C1orf226: variants seen among roughly 807,000 people sequenced by gnomAD.
The protein encoded by C1orf226 is chromosome 1 open reading frame 226.
In C1orf226, 4 loss-of-function variants were observed where a neutral mutation model predicts 10.5. The ratio of observed to expected loss-of-function variants is 0.38; its 90% CI spans 0.19 to 0.87. The LOEUF is 0.87. Ranked by LOEUF, C1orf226 falls within the 40% of genes least tolerant of loss-of-function variation. The pLI is 0.41. For synonymous variants in C1orf226, 125 were observed against 139.3 expected (o/e 0.90, Z 0.72); for missense variants, 313 against 336.2 (o/e 0.93, Z 0.54).
chr1:162,381,267 C>T (rs551239699), upstream of C1orf226, among the ~76,000 whole-genome samples: 14 of 152,304 alleles, frequency 9.2e-5, no homozygotes, highest in African/African-American at 2.9e-4. Context: ...TTGGGATCCT[C>T]GTGCTTCACT....
chr1:162,384,281 A>T lies in C1orf226; in HGVS notation c.*598A>T, dbSNP rs1648035348. 6.6e-6 allele frequency: 1 copy of T among 152,568 alleles called. No homozygotes were observed. The highest frequency in any genetic ancestry group is 6.5e-5 in the Admixed American group (1 of 15,288). The allele number at this position is 152,568 out of a possible 1,614,324, so 9.5% of individuals were successfully genotyped here. Reference sequence around the variant, plus strand: ...AGGACAGTGCAGGCCCCTGGTTGCCATGTTTGCTCTGCCCCTGGGGTGGAG... The same window carrying T: ...AGGACAGTGCAGGCCCCTGGTTGCCTTGTTTGCTCTGCCCCTGGGGTGGAG... On this transcript the variant is annotated 3_prime_UTR_variant, in exon 2 of 2. Coordinates refer to ENST00000458626, the MANE Select transcript of C1orf226 (RefSeq NM_001085375.2).
At chr1:162,382,365 A>G (rs1163002034) in intron 1 of C1orf226, 147 bp downstream of exon 1, 2 of 1,015,678 alleles carry the variant, frequency 2.0e-6, no homozygotes, top group African/African-American at 1.8e-5. Context: ...GGATCAGGCC[A>G]CGTTCTCGGG....
Position 162,383,201 on chromosome 1 carries a change from T to C in C1orf226, c.337T>C (p.Phe113Leu). ...TTACAGGTCAGTCCTGCAAGAAACATTTCCTCGGCTGGATCCTCCACCTCC... is the reference window on the plus strand; with the variant it reads ...TTACAGGTCAGTCCTGCAAGAAACACTTCCTCGGCTGGATCCTCCACCTCC... ...EDERSVLQET[F>L]PRLDPPPPIT... Residue 113 changes from phenylalanine to leucine, a missense_variant, in exon 2 of 2, where the codon TTT becomes CTT. Physicochemically the swap from Phe to Leu is conservative, Grantham distance 22 (BLOSUM62 0). Transcript: ENST00000458626. 6.3e-7 allele frequency: 1 copy of C among 1,594,738 alleles called. No individual in the cohort carries two copies. The highest frequency in any genetic ancestry group is 8.5e-7 in the Non-Finnish European group (1 of 1,170,316).
In C1orf226 at chr1:162,383,685, G is replaced by A. The variant is rs370587346; in HGVS notation, c.*2G>A. The A allele has an allele frequency of 3.0e-5, 47 of 1,589,462 alleles. No homozygotes were observed. The African/African-American group carries it at 3.5e-4, about 12-fold the overall frequency. On this transcript the variant is annotated 3_prime_UTR_variant, in exon 2 of 2. Transcript: ENST00000458626. ...CCAGACCTGCTGTCCTTTGAATAGAGCCTCTGCTCTTTCCTGCTGAGCTCT... is the reference window on the plus strand; with the variant it reads ...CCAGACCTGCTGTCCTTTGAATAGAACCTCTGCTCTTTCCTGCTGAGCTCT...
intron 1 of C1orf226, 129 bp from the exon 2 acceptor site, chr1:162,383,053 C>T (rs1647970339): frequency 2.3e-6 from 2 of 870,782 alleles, no homozygotes; most frequent in Non-Finnish European, 3.6e-6. Flanking sequence ...GAACCAGAGC[C>T]CAAGGAGTAG....
chr1:162,381,355 G>A (rs928582612), upstream of C1orf226, among the ~76,000 whole-genome samples: 2 of 152,114 alleles, frequency 1.3e-5, no homozygotes, highest in African/African-American at 2.4e-5. Context: ...TGGCCCACTC[G>A]CTCAAGGCCC....
chr1:162,381,664 A>T (rs12407972), upstream of C1orf226: 1 of 1,364,550 alleles, frequency 7.3e-7, no homozygotes, highest in Non-Finnish European at 9.4e-7. Context: ...GGCTAGCATT[A>T]GTCACTGATT....
rs1648095180 is a variant in C1orf226, at chr1:162,385,911, C to T, written c.*2228C>T. 2 of 152,360 alleles carry T rather than the reference C, an allele frequency of 1.3e-5. No individual in the cohort carries two copies. The highest frequency in any genetic ancestry group is 2.4e-5 in the African/African-American group (1 of 41,446). The allele number at this position is 152,360 out of a possible 1,614,324, so 9.4% of individuals were successfully genotyped here. A position where few individuals can be genotyped will look rare whatever the true frequency, so the allele number is the denominator to read the frequency against. On this transcript the variant is annotated 3_prime_UTR_variant, in exon 2 of 2. Transcript: ENST00000458626. ...GGTGCAGCCTTTCTTAAGTACCCTG[C>T]CTCCACTCTATAGCCCAGCTGCTGC...
At chr1:162,379,991 G>C (rs537415253), upstream of C1orf226, among the ~76,000 whole-genome samples, 11 of 152,326 alleles carry the variant, frequency 7.2e-5, no homozygotes, top group East Asian at 1.9e-3. Flanking sequence ...GGGGGAAATA[G>C]TTAAATGGTT....
At chr1:162,383,061 T>G in intron 1 of C1orf226, 121 bp from the exon 2 acceptor site, 1 of 910,118 alleles carries the variant, frequency 1.1e-6, no homozygotes, top group Non-Finnish European at 1.7e-6. Context: ...GCCCAAGGAG[T>G]AGAGCAGTTA....
At position 162,384,469 on chromosome 1, in the gene C1orf226, T is replaced by A. The variant is rs1648043873; in HGVS notation, c.*786T>A. On this transcript the variant is annotated 3_prime_UTR_variant, in exon 2 of 2. Transcript: ENST00000458626. ...GATCAGGCTTCTCTTGCTGAGTGTGTGAAGACAGGGAGAGCCAGGCCCCAG... is the reference window on the plus strand; with the variant it reads ...GATCAGGCTTCTCTTGCTGAGTGTGAGAAGACAGGGAGAGCCAGGCCCCAG... 1 of 152,632 alleles carries A rather than the reference T, an allele frequency of 6.6e-6. No homozygotes were observed. Among genetic ancestry groups the A allele is most frequent in the Non-Finnish European group, 1.5e-5 (1 of 68,084 alleles). The allele number at this position is 152,632 out of a possible 1,614,324, so 9.5% of individuals were successfully genotyped here. A position where few individuals can be genotyped will look rare whatever the true frequency, so the allele number is the denominator to read the frequency against.
chr1:162,383,658 A>G lies in C1orf226; in HGVS notation c.794A>G (p.His265Arg). ...TCCAGCCTCGACAATGAGGGCCCTC[A>G]CCCAGACCTGCTGTCCTTTGAATAG... ...RTSSLDNEGP[H>R]PDLLSFE The change falls in exon 2 of 2, where the codon CAC (histidine) becomes CGC (arginine). Residue 265 changes from histidine (H) to arginine (R), a missense_variant. Physicochemically the swap from His to Arg is conservative, Grantham distance 29. Coordinates refer to ENST00000458626, the MANE Select transcript of C1orf226 (RefSeq NM_001085375.2). The G allele has an allele frequency of 6.2e-7, 1 of 1,607,278 alleles. No homozygotes were observed. The highest frequency in any genetic ancestry group is 2.2e-5 in the East Asian group (1 of 44,778).
upstream of C1orf226, chr1:162,381,644 A>G: frequency 7.6e-7 from 1 of 1,318,484 alleles, no homozygotes; most frequent in Non-Finnish European, 9.7e-7. Flanking sequence ...GAACAACTTT[A>G]TTTTTTTATG....
upstream of C1orf226, chr1:162,379,093 G>A: frequency 8.8e-7 from 1 of 1,130,884 alleles, no homozygotes; most frequent in Non-Finnish European, 1.3e-6. Context: ...CTGCTTGGGT[G>A]TGTGCATGTT....
upstream of C1orf226, among the ~76,000 whole-genome samples, chr1:162,380,443 T>C (rs1647868548): frequency 6.6e-6 from 1 of 152,166 alleles, no homozygotes; most frequent in Non-Finnish European, 1.5e-5. Context: ...GATACAGCAG[T>C]GCAGGGCAGA....
At position 162,382,193 on chromosome 1, in the gene C1orf226, C is replaced by T; in HGVS notation, c.292C>T (p.Pro98Ser). 6.3e-7 allele frequency: 1 copy of T among 1,580,166 alleles called. No homozygotes were observed. Among genetic ancestry groups the T allele is most frequent in the East Asian group, 2.3e-5 (1 of 42,944 alleles). The change falls in exon 1 of 2, where the codon CCA (proline) becomes TCA (serine). Residue 98 changes from proline (P) to serine (S), a missense_variant. Pro to Ser is a moderately conservative substitution (Grantham distance 74). Transcript: ENST00000458626. The part of the protein sequence containing the change: ...AQLASGTDAA[P>S]EAWLEDERSV... ...GCTGGCCAGTGGGACTGACGCGGCT[C>T]CAGAGGCTTGGCTAGAGGATGAAAG... is the stretch of plus-strand genomic sequence containing the variant.
Position 162,383,240 on chromosome 1 carries a change from C to A in C1orf226, c.376C>A (p.Arg126=). Residue 126 remains arginine, a synonymous_variant, in exon 2 of 2, where the codon CGA becomes AGA. Transcript: ENST00000458626. The part of the protein sequence containing the change: ...LDPPPPITRK[R]TPRALKTTQD... Reference sequence around the variant, plus strand: ...TCCTCCACCTCCCATAACCAGAAAGCGAACCCCTCGGGCCCTGAAGACCAC... The same window carrying A: ...TCCTCCACCTCCCATAACCAGAAAGAGAACCCCTCGGGCCCTGAAGACCAC... 3.1e-6 allele frequency: 5 copies of A among 1,611,636 alleles called. No individual in the cohort carries two copies. Among genetic ancestry groups the A allele is most frequent in the Non-Finnish European group, 4.2e-6 (5 of 1,178,908 alleles).
chr1:162,379,724 T>C (rs745924908), upstream of C1orf226, among the ~76,000 whole-genome samples: 2 of 152,182 alleles, frequency 1.3e-5, no homozygotes, highest in Non-Finnish European at 2.9e-5. Flanking sequence ...ATACAGGAAA[T>C]CCAAAATGGT....
chr1:162,383,320 A>T lies in C1orf226; in HGVS notation c.456A>T (p.Thr152=). 6.2e-7 allele frequency: 1 copy of T among 1,612,458 alleles called. No homozygotes were observed. The highest frequency in any genetic ancestry group is 8.5e-7 in the Non-Finnish European group (1 of 1,179,132). Residue 152 remains threonine (T), a synonymous_variant, in exon 2 of 2, where the codon ACA becomes ACT. Coordinates refer to ENST00000458626, the MANE Select transcript of C1orf226 (RefSeq NM_001085375.2). ...TCCTCAGCAGTCTGGAGTATGGGACAGAGCCATCACCTGGGCAGGCCCAGG... is the reference window on the plus strand; with the variant it reads ...TCCTCAGCAGTCTGGAGTATGGGACTGAGCCATCACCTGGGCAGGCCCAGG... ...QPVLSSLEYG[T]EPSPGQAQDS...
Sources: allele counts gnomAD v4.1 joint callset (sites outside exome capture counted in the v4.1 genomes callset), GRCh38; gene constraint gnomAD v4.1.1; transcripts MANE v1.5; gene names NCBI Gene and HGNC (gene_info 2026-07-23, HGNC 2026-07-21).